The following OMA1 variants were observed in gnomAD, a reference collection of about 807,000 sequenced individuals.
OMA1 encodes the protein metalloendopeptidase OMA1, mitochondrial.
Under a neutral mutation model 30.9 loss-of-function variants are expected in OMA1, and 38 were observed. That is an observed-to-expected ratio of 1.23 (90% confidence interval 0.95 to 1.61). OMA1 has a LOEUF of 1.61. OMA1 is among the 40% of genes most tolerant of loss of function. The probability of loss-of-function intolerance (pLI) is 0.00; values close to 1 mark genes in which losing one functional copy is unlikely to be tolerated. For missense variants in OMA1, 461 were observed against 349.2 expected, an observed-to-expected ratio of 1.32 and a Z score of -2.55; for synonymous variants, 173 against 121.9, an observed-to-expected ratio of 1.42 and a Z score of -2.76.
At chr1:58,518,215 AGG>A (rs1308239299) in intron 7 of OMA1, among the ~76,000 whole-genome samples, 15 of 1,930 alleles carry the variant, frequency 7.8e-3, no homozygotes, top group Non-Finnish European at 0.015. Context: ...GAGAGGGGAG[AGG>A]GGAGAGGGGA....
intron 8 of OMA1, among the ~76,000 whole-genome samples, chr1:58,500,947 TATAC>T (rs1253291452): frequency 6.6e-6 from 1 of 152,224 alleles, no homozygotes; most frequent in African/African-American, 2.4e-5. Context: ...CAAATTATAA[TATAC>T]ATAAAGTCTG....
intron 7 of OMA1, among the ~76,000 whole-genome samples, chr1:58,514,102 G>A (rs1156684537): frequency 2.0e-5 from 3 of 152,190 alleles, no homozygotes; most frequent in Admixed American, 6.5e-5. Context: ...TTCCCCTGGT[G>A]AGCAACTGGA....
chr1:58,530,890 C>T (rs926409378), intron 5 of OMA1, among the ~76,000 whole-genome samples, 161 bp from the exon 6 acceptor site: 2 of 152,044 alleles, frequency 1.3e-5, no homozygotes, highest in African/African-American at 4.8e-5. Flanking sequence ...TCTGTTTTTC[C>T]CTTCCTTGGT....
rs751099514 is a variant in OMA1 at position 58,536,757 on chromosome 1, A to G, written c.501-16T>C. 52 of 865,320 alleles carry G rather than the reference A, an allele frequency of 6.0e-5. No homozygotes were observed. Among genetic ancestry groups the G allele is most frequent in the Non-Finnish European group, 9.6e-5 (48 of 499,180 alleles). The allele number at this position is 865,320 out of a possible 1,614,324, so 53.6% of individuals were successfully genotyped here. A position where few individuals can be genotyped will look rare whatever the true frequency, so the allele number is the denominator to read the frequency against. Reference sequence around the variant, plus strand: ...CCTTATGCCCCTAAAGCAAAAAGAAAAATTCAAAGTTCTGAAAATCATTCC... The same window carrying G: ...CCTTATGCCCCTAAAGCAAAAAGAAGAATTCAAAGTTCTGAAAATCATTCC... On this transcript the variant is annotated splice_polypyrimidine_tract_variant and intron_variant, in intron 2 of 8. Transcript: ENST00000371226.
At chr1:58,483,627 C>A (rs563416172) in intron 8 of OMA1, among the ~76,000 whole-genome samples, 1 of 152,282 alleles carries the variant, frequency 6.6e-6, no homozygotes, top group Admixed American at 6.5e-5. Flanking sequence ...TGAATTGACA[C>A]AACAAGAAAA....
chr1:58,480,983 C>T lies in OMA1; in HGVS notation c.1557G>A (p.Glu519=). 1 of 862,150 alleles carries T rather than the reference C, an allele frequency of 1.2e-6. No individual in the cohort carries two copies. The highest frequency in any genetic ancestry group is 1.3e-5 in the South Asian group (1 of 74,852). 53.4% of individuals were successfully genotyped at this position (862,150 alleles called of 1,614,324 possible). The part of the protein sequence containing the change: ...QEQIPLTYIV[E]KRTGS The stretch of plus-strand genomic sequence containing the variant: ...TTTTAATTCAACTGCCCGTTCTTTT[C>T]TCAACTATGTATGTTAATGGTATTT... Residue 519 remains glutamate (E), a synonymous_variant, in exon 9 of 9, where the codon GAG becomes GAA. Coordinates refer to ENST00000371226, the MANE Select transcript of OMA1 (RefSeq NM_145243.5).
At chr1:58,513,319 G>A (rs1166301859) in intron 7 of OMA1, among the ~76,000 whole-genome samples, 1 of 152,148 alleles carries the variant, frequency 6.6e-6, no homozygotes, top group Non-Finnish European at 1.5e-5. Context: ...CAGCCATGGA[G>A]AACTGTGAGT....
At chr1:58,497,896 T>C (rs1271899405) in intron 8 of OMA1, among the ~76,000 whole-genome samples, 4 of 152,180 alleles carry the variant, frequency 2.6e-5, no homozygotes, top group Non-Finnish European at 4.4e-5. Flanking sequence ...TCTTGGAGAA[T>C]TATTCATTCC....
intron 7 of OMA1, among the ~76,000 whole-genome samples, chr1:58,515,274 T>A (rs1646141928): frequency 1.3e-5 from 2 of 152,194 alleles, no homozygotes; most frequent in African/African-American, 4.8e-5. Context: ...TGCCAATCCC[T>A]CACACCAAGA....
chr1:58,508,221 C>A (rs1028215038), intron 7 of OMA1, among the ~76,000 whole-genome samples: 46 of 152,144 alleles, frequency 3.0e-4, no homozygotes, highest in Admixed American at 2.9e-3. Flanking sequence ...TTGAGTTTGT[C>A]TGTACTTCTC....
chr1:58,504,275 C>G (rs1645952109), intron 8 of OMA1, among the ~76,000 whole-genome samples: 1 of 152,202 alleles, frequency 6.6e-6, no homozygotes. Context: ...TTCCCTTACT[C>G]CATTCAGCCC....
intron 7 of OMA1, among the ~76,000 whole-genome samples, chr1:58,519,561 G>A (rs1165474848): frequency 1.3e-5 from 2 of 151,994 alleles, no homozygotes; most frequent in East Asian, 3.9e-4. Flanking sequence ...ACTTAGCACA[G>A]AGAATACCTC....
chr1:58,533,952 C>G lies in OMA1; in HGVS notation c.1011+1G>C, dbSNP rs544037272. ...CCTGAACATTCATTTTAGGTACTTACAGCATGCCCAAGTACTGCATGTGCT... is the reference window on the plus strand; with the variant it reads ...CCTGAACATTCATTTTAGGTACTTAGAGCATGCCCAAGTACTGCATGTGCT... On this transcript the variant is annotated splice_donor_variant, in intron 5 of 8. Transcript: ENST00000371226. LOFTEE classifies it high-confidence loss of function. 1.4e-5 allele frequency: 12 copies of G among 871,980 alleles called. No individual in the cohort carries two copies. The highest frequency in any genetic ancestry group is 5.1e-5 in the Admixed American group (3 of 59,118). The allele number at this position is 871,980 out of a possible 1,614,324, so 54.0% of individuals were successfully genotyped here. A position where few individuals can be genotyped will look rare whatever the true frequency, so the allele number is the denominator to read the frequency against.
chr1:58,522,404 G>A (rs181525011), intron 7 of OMA1, among the ~76,000 whole-genome samples: 5 of 152,130 alleles, frequency 3.3e-5, no homozygotes, highest in Admixed American at 3.3e-4. Flanking sequence ...TATTAGAAAT[G>A]GAAGAGAAAC....
chr1:58,501,146 C>A (rs2100405136), intron 8 of OMA1, among the ~76,000 whole-genome samples: 1 of 152,158 alleles, frequency 6.6e-6, no homozygotes, highest in South Asian at 2.1e-4. Flanking sequence ...AGTAATATTG[C>A]TACAAACCTG....
chr1:58,543,309 T>C (rs1646650514), intron 1 of OMA1, among the ~76,000 whole-genome samples: 1 of 152,234 alleles, frequency 6.6e-6, no homozygotes, highest in South Asian at 2.1e-4. Flanking sequence ...TGGAACTAGC[T>C]GAGGGTTCCT....
intron 7 of OMA1, among the ~76,000 whole-genome samples, chr1:58,514,501 T>C (rs1212525187): frequency 2.6e-5 from 4 of 152,208 alleles, no homozygotes; most frequent in African/African-American, 9.6e-5. Context: ...AAGCTCCTGT[T>C]AGCCATCACC....
intron 2 of OMA1, among the ~76,000 whole-genome samples, chr1:58,537,547 G>GC (rs35494937): frequency 0.13 from 20,491 of 152,146 alleles, 1,520 homozygotes; most frequent in African/African-American, 0.19. Flanking sequence ...AATACTCTCT[G>GC]CCACTTAGCA....
At position 58,539,152 on chromosome 1, in the gene OMA1, T is replaced by C. The variant is rs1646563859; in HGVS notation, c.143A>G (p.Asn48Ser). ...CHQVQVNHIV[N>S]KYQGLGVNQC... ...ATTTACTCCCAGTCCCTGATACTTA[T>C]TTACTATATGGTTAACTTGTACTTG... is the stretch of plus-strand genomic sequence containing the variant. Residue 48 changes from asparagine to serine, a missense_variant, in exon 2 of 9, where the codon AAT becomes AGT. Coordinates refer to ENST00000371226, the MANE Select transcript of OMA1 (RefSeq NM_145243.5). The C allele has an allele frequency of 2.3e-6, 2 of 872,860 alleles. No homozygotes were observed. The highest frequency in any genetic ancestry group is 1.3e-5 in the South Asian group (1 of 76,548). The allele number at this position is 872,860 out of a possible 1,614,324, so 54.1% of individuals were successfully genotyped here.
Sources: gnomAD v4.1 joint callset for allele counts (sites outside exome capture counted in the v4.1 genomes callset) on GRCh38, gnomAD v4.1.1 for gene constraint, MANE v1.5 for transcripts, NCBI Gene and HGNC (gene_info 2026-07-23, HGNC 2026-07-21) for gene names.